Variants in KLHL1 observed in about 807,000 individuals in gnomAD.
KLHL1 encodes the protein kelch like family member 1, also known as kelch-like protein 1.
KLHL1 carries 47 observed loss-of-function variants against 77.7 expected under a neutral mutation model. The observed-to-expected ratio is 0.60, with a 90% CI of 0.48 to 0.77. The LOEUF (loss-of-function observed/expected upper bound fraction) is 0.77. Ranked by LOEUF, KLHL1 falls within the 30% of genes least tolerant of loss-of-function variation. The pLI is 0.00. For synonymous variants in KLHL1, 360 were observed against 325.2 expected, an observed-to-expected ratio of 1.11 and a Z score of -1.15; for missense variants, 925 against 910.8, an observed-to-expected ratio of 1.02 and a Z score of -0.20.
chr13:70,000,540 A>G (rs950864953), intron 1 of KLHL1, among the ~76,000 whole-genome samples: 1 of 151,972 alleles, frequency 6.6e-6, no homozygotes, highest in African/African-American at 2.4e-5. Flanking sequence ...TTTCACACGT[A>G]TTTGGAATAT....
At chr13:69,913,529 T>G (rs1882312562) in intron 4 of KLHL1, among the ~76,000 whole-genome samples, 1 of 152,216 alleles carries the variant, frequency 6.6e-6, no homozygotes, top group South Asian at 2.1e-4. Flanking sequence ...TCAGTTTTGT[T>G]GTTTCAGTGA....
At chr13:69,999,822 G>C (rs1885243460) in intron 1 of KLHL1, among the ~76,000 whole-genome samples, 2 of 152,128 alleles carry the variant, frequency 1.3e-5, no homozygotes, top group East Asian at 3.9e-4. Flanking sequence ...GTCTAAAAAG[G>C]CTAGCATTAT....
At chr13:69,964,987 G>A (rs1884171881) in intron 2 of KLHL1, among the ~76,000 whole-genome samples, 1 of 152,090 alleles carries the variant, frequency 6.6e-6, no homozygotes, top group South Asian at 2.1e-4. Flanking sequence ...GGCTAAGAAG[G>A]GAGCTGGCCT....
At chr13:69,848,302 T>C (rs146842596) in intron 5 of KLHL1, among the ~76,000 whole-genome samples, 42 of 151,642 alleles carry the variant, frequency 2.8e-4, no homozygotes, top group Middle Eastern at 6.8e-3. Context: ...TTAGTGACTA[T>C]TTGAGTAGAT....
At chr13:69,949,469 G>A (rs74090639) in intron 3 of KLHL1, among the ~76,000 whole-genome samples, 20,972 of 151,604 alleles carry the variant, frequency 0.14, 2,388 homozygotes, top group African/African-American at 0.29. Flanking sequence ...CATTATCAAC[G>A]TGACTTATCA....
chr13:70,084,566 T>C lies in KLHL1; in HGVS notation c.497+22637A>G, dbSNP rs561656761. On this transcript the variant is annotated intron_variant, in intron 1 of 10. Transcript: ENST00000377844. The stretch of plus-strand genomic sequence containing the variant: ...CTCCACCTTCCGGGTTCACGCCATT[T>C]TCCTGCCTCAGCCTCCCGAGTAGCT... 5.9e-4 allele frequency among the ~76,000 whole-genome samples: 80 copies of C among 136,328 alleles called. 1 individual carries two copies. The highest frequency in any genetic ancestry group is 8.1e-4 in the Non-Finnish European group (52 of 64,380). The allele number at this position is 136,328 out of a possible 152,430, so 89.4% of individuals were successfully genotyped here. A position where few individuals can be genotyped will look rare whatever the true frequency, so the allele number is the denominator to read the frequency against.
At chr13:69,710,877 T>C (rs925923128) in intron 9 of KLHL1, among the ~76,000 whole-genome samples, 1 of 152,038 alleles carries the variant, frequency 6.6e-6, no homozygotes, top group Admixed American at 6.6e-5. Context: ...CTGCCTTTCC[T>C]GCATCTTACC....
chr13:69,892,141 C>A lies in KLHL1; in HGVS notation c.1015-9646G>T, dbSNP rs532902009. Among the ~76,000 whole-genome samples, 304 of 152,120 alleles carry A rather than the reference C, an allele frequency of 2.0e-3. 1 individual carries two copies. Among genetic ancestry groups the A allele is most frequent in the Non-Finnish European group, 3.5e-3 (240 of 67,958 alleles). ...ATAAATTGCTGAACATCGGTATTTGCCAATATTCTTTAGGTGTCTAGCAGT... is the reference window on the plus strand; with the variant it reads ...ATAAATTGCTGAACATCGGTATTTGACAATATTCTTTAGGTGTCTAGCAGT... On this transcript the variant is annotated intron_variant, in intron 4 of 10. Transcript: ENST00000377844.
chr13:69,816,607 T>C (rs1050307801), intron 6 of KLHL1, among the ~76,000 whole-genome samples: 13 of 152,156 alleles, frequency 8.5e-5, no homozygotes, highest in African/African-American at 3.1e-4. Flanking sequence ...TGTTCTACCA[T>C]AAATATTTCT....
intron 5 of KLHL1, among the ~76,000 whole-genome samples, chr13:69,860,395 T>C (rs1014502257): frequency 6.6e-6 from 1 of 152,020 alleles, no homozygotes; most frequent in Admixed American, 6.6e-5. Flanking sequence ...GTTAGTGGCA[T>C]TGTAAGATAG....
At chr13:70,018,869 C>T (rs1187055994) in intron 1 of KLHL1, among the ~76,000 whole-genome samples, 2 of 152,074 alleles carry the variant, frequency 1.3e-5, no homozygotes, top group South Asian at 2.1e-4. Flanking sequence ...GGAAATGAAA[C>T]GTTATTGAAG....
chr13:69,840,076 C>T (rs1004167682), intron 5 of KLHL1, among the ~76,000 whole-genome samples: 5 of 151,336 alleles, frequency 3.3e-5, no homozygotes, highest in Admixed American at 2.7e-4. Flanking sequence ...CACATCTGTA[C>T]ACAAATGTTC....
At chr13:70,094,090 G>C (rs968235128) in intron 1 of KLHL1, among the ~76,000 whole-genome samples, 3 of 152,200 alleles carry the variant, frequency 2.0e-5, no homozygotes, top group East Asian at 3.9e-4. Context: ...AAGAAAGTTA[G>C]ATTCTTCAAA....
intron 7 of KLHL1, among the ~76,000 whole-genome samples, chr13:69,764,929 C>CCTTTT (rs1875206792): frequency 2.5e-5 from 1 of 39,714 alleles, no homozygotes; most frequent in Non-Finnish European, 4.5e-5. Context: ...TATATCTTTG[C>CCTTTT]TTTTTTTTTT....
intron 1 of KLHL1, among the ~76,000 whole-genome samples, chr13:70,039,637 CTTT>C (rs773600359): frequency 1.0e-4 from 13 of 125,474 alleles, no homozygotes; most frequent in Admixed American, 1.6e-4. Context: ...ATTCCTTGAA[CTTT>C]TTTTTTTTTT....
intron 7 of KLHL1, among the ~76,000 whole-genome samples, chr13:69,783,685 C>T (rs1159728405): frequency 7.8e-6 from 1 of 128,712 alleles, no homozygotes; most frequent in African/African-American, 3.1e-5. Context: ...GTGAAAAGAC[C>T]AAATCTACGT....
intron 4 of KLHL1, among the ~76,000 whole-genome samples, chr13:69,912,783 C>G (rs1882281842): frequency 6.6e-6 from 1 of 152,074 alleles, no homozygotes; most frequent in Admixed American, 6.5e-5. Flanking sequence ...TAGCTATAAT[C>G]CACTGTCACA....
intron 4 of KLHL1, among the ~76,000 whole-genome samples, chr13:69,906,603 T>C (rs1882053745): frequency 6.6e-6 from 1 of 151,968 alleles, no homozygotes; most frequent in Admixed American, 6.6e-5. Context: ...TAGAATTACA[T>C]TTTTATTGTT....
chr13:69,754,385 G>T (rs1258776070), intron 7 of KLHL1, among the ~76,000 whole-genome samples: 1 of 151,928 alleles, frequency 6.6e-6, no homozygotes, highest in Non-Finnish European at 1.5e-5. Flanking sequence ...TTTAATAAGG[G>T]ACAAGGACAT....
Sources: gnomAD v4.1 joint callset for allele counts (sites outside exome capture counted in the v4.1 genomes callset) on GRCh38, gnomAD v4.1.1 for gene constraint, MANE v1.5 for transcripts, NCBI Gene and HGNC (gene_info 2026-07-23, HGNC 2026-07-21) for gene names.